Variants in SLC44A5 observed in about 807,000 individuals in gnomAD.
SLC44A5 encodes the protein solute carrier family 44 member 5, also known as choline transporter-like protein 5.
A neutral mutation model predicts 101.8 loss-of-function variants in SLC44A5; 57 were observed. The ratio of observed to expected loss-of-function variants is 0.56; its 90% CI spans 0.45 to 0.70. The LOEUF (loss-of-function observed/expected upper bound fraction) is 0.70, where lower values mean the gene tolerates loss of function less well. SLC44A5 is among the 30% of genes least tolerant of loss of function. SLC44A5 has a pLI of 0.00. For missense variants in SLC44A5, 737 were observed against 853.1 expected (o/e 0.86, Z 1.70); for synonymous variants, 281 against 290.9 (o/e 0.97, Z 0.35).
the SLC44A5 span, among the ~76,000 whole-genome samples, chr1:75,658,647 A>G: frequency 6.6e-6 from 1 of 152,160 alleles, no homozygotes; most frequent in African/African-American, 2.4e-5. Context: ...AGGAAAGTTT[A>G]TAACAATAAA....
chr1:75,543,587 A>T (rs1671471225), intron 1 of SLC44A5, among the ~76,000 whole-genome samples: 1 of 103,838 alleles, frequency 9.6e-6, no homozygotes, highest in South Asian at 3.0e-4. Context: ...ATATATATAT[A>T]TAAATAAATA....
chr1:75,492,875 A>G (rs1376617971), intron 2 of SLC44A5, among the ~76,000 whole-genome samples: 2 of 152,200 alleles, frequency 1.3e-5, no homozygotes, highest in Non-Finnish European at 2.9e-5. Context: ...TTACTCATCT[A>G]TTTGGGCACA....
the SLC44A5 span, among the ~76,000 whole-genome samples, chr1:75,686,594 G>C: frequency 6.6e-6 from 1 of 152,236 alleles, no homozygotes; most frequent in African/African-American, 2.4e-5. Flanking sequence ...GGATCACAGC[G>C]ATTATTGAAG....
chr1:75,216,270 GTCA>G (rs1210360254), intron 18 of SLC44A5, among the ~76,000 whole-genome samples: 1 of 151,934 alleles, frequency 6.6e-6, no homozygotes, highest in Non-Finnish European at 1.5e-5. Context: ...GTCGTCAAGG[GTCA>G]TCATTTCATT....
At chr1:75,409,946 T>A (rs961818312) in intron 2 of SLC44A5, among the ~76,000 whole-genome samples, 4 of 152,100 alleles carry the variant, frequency 2.6e-5, no homozygotes, top group Non-Finnish European at 4.4e-5. Flanking sequence ...ATACTTGCAA[T>A]ACACACAAGC....
Position 75,442,742 on chromosome 1 carries a change from G to A in SLC44A5, c.14-46121C>T, listed in dbSNP as rs374698730. On this transcript the variant is annotated intron_variant, in intron 2 of 23. Coordinates refer to ENST00000370859, the MANE Select transcript of SLC44A5 (RefSeq NM_001130058.2). ...ACTGCAAGACCCCTCTGCAGCCATC[G>A]CTTCCCCCTACTGCAAAACCCTATT... Among the ~76,000 whole-genome samples, 3 of 151,988 alleles carry A rather than the reference G, an allele frequency of 2.0e-5. No individual in the cohort carries two copies. In the East Asian group the frequency reaches 5.8e-4, roughly 29 times the overall value.
intron 4 of SLC44A5, among the ~76,000 whole-genome samples, chr1:75,306,733 C>CTTTTTCT (rs1654928677): frequency 1.9e-5 from 2 of 102,588 alleles, no homozygotes; most frequent in Admixed American, 2.4e-4. Flanking sequence ...GGTTTCCTTT[C>CTTTTTCT]TTTTTTTTTT....
the SLC44A5 span, among the ~76,000 whole-genome samples, chr1:75,681,917 A>T: frequency 6.6e-6 from 1 of 152,244 alleles, no homozygotes; most frequent in Non-Finnish European, 1.5e-5. Context: ...AAGTCTCAGG[A>T]TACAAAATCA....
intron 2 of SLC44A5, among the ~76,000 whole-genome samples, chr1:75,506,649 T>C (rs1027354238): frequency 2.6e-5 from 4 of 152,080 alleles, no homozygotes; most frequent in African/African-American, 9.7e-5. Flanking sequence ...AGCTTGAATG[T>C]TATTGGTGTA....
intron 1 of SLC44A5, among the ~76,000 whole-genome samples, chr1:75,602,936 A>G (rs1675066082): frequency 6.6e-6 from 1 of 152,256 alleles, no homozygotes; most frequent in East Asian, 1.9e-4. Flanking sequence ...ATACATTTTT[A>G]ATAAAATGTA....
rs144929919 is a variant in SLC44A5, at chr1:75,514,143, G to A, written c.13+27292C>T. On this transcript the variant is annotated intron_variant, in intron 2 of 23. Transcript: ENST00000370859. ...TACTGGAGTGGGCCATGAGCACCCA[G>A]TCCCCTTGTCACTATTAATATAAAA... 9.2e-3 allele frequency among the ~76,000 whole-genome samples: 1,399 copies of A among 152,220 alleles called. 22 individuals are homozygous for A. Among genetic ancestry groups the A allele is most frequent in the African/African-American group, 0.032 (1,334 of 41,518 alleles).
chr1:75,398,965 T>A (rs1323291937), intron 2 of SLC44A5, among the ~76,000 whole-genome samples: 3 of 151,906 alleles, frequency 2.0e-5, no homozygotes, highest in Admixed American at 1.3e-4. Context: ...AAATTTAGAA[T>A]GAAGTTTCAG....
intron 7 of SLC44A5, among the ~76,000 whole-genome samples, chr1:75,244,910 G>T (rs1402990770): frequency 6.6e-6 from 1 of 152,032 alleles, no homozygotes; most frequent in Admixed American, 6.6e-5. Flanking sequence ...GCCCTGACTT[G>T]CTCCATCTCC....
the SLC44A5 span, among the ~76,000 whole-genome samples, chr1:75,653,057 A>G: frequency 2.4e-4 from 36 of 152,162 alleles, no homozygotes; most frequent in Non-Finnish European, 4.9e-4. Flanking sequence ...ATCATAGCTC[A>G]TTCTACTCAG....
intron 23 of SLC44A5, among the ~76,000 whole-genome samples, chr1:75,210,051 T>A (rs928931092): frequency 6.7e-6 from 1 of 150,342 alleles, no homozygotes; most frequent in African/African-American, 2.4e-5. Context: ...AAAAAAATCT[T>A]TTTTTTTTTC....
chr1:75,500,284 A>G (rs894008379), intron 2 of SLC44A5, among the ~76,000 whole-genome samples: 8 of 152,236 alleles, frequency 5.3e-5, no homozygotes, highest in Admixed American at 1.3e-4. Flanking sequence ...AGAAAAATCT[A>G]AAATATGTGT....
chr1:75,395,521 CT>C (rs1451817492), intron 3 of SLC44A5, among the ~76,000 whole-genome samples: 1 of 152,064 alleles, frequency 6.6e-6, no homozygotes, highest in Non-Finnish European at 1.5e-5. Flanking sequence ...AATTTTGAAA[CT>C]GTAAAATGCT....
At chr1:75,376,243 G>A (rs565791242) in intron 3 of SLC44A5, among the ~76,000 whole-genome samples, 4 of 152,288 alleles carry the variant, frequency 2.6e-5, no homozygotes, top group East Asian at 1.9e-4. Flanking sequence ...ACTGCAAGGC[G>A]GCAGCGAGGC....
chr1:75,339,741 T>C lies in SLC44A5; in HGVS notation c.53-111A>G, dbSNP rs1294417621. 8.4e-6 allele frequency: 7 copies of C among 837,178 alleles called. No homozygotes were observed. The Admixed American group carries it at 1.1e-4, about 13-fold the overall frequency. 51.9% of individuals were successfully genotyped at this position (837,178 alleles called of 1,614,324 possible). On this transcript the variant is annotated intron_variant, in intron 3 of 23. Coordinates refer to ENST00000370859, the MANE Select transcript of SLC44A5 (RefSeq NM_001130058.2). ...GTTAGTCCACTGCTCAGTGCAGTGA[T>C]GAATTCATACTTTGGTTTGATGAAA...
Sources: allele counts gnomAD v4.1 joint callset (sites outside exome capture counted in the v4.1 genomes callset), GRCh38; gene constraint gnomAD v4.1.1; transcripts MANE v1.5; gene names NCBI Gene and HGNC (gene_info 2026-07-23, HGNC 2026-07-21).